PCED1B: variants seen among roughly 807,000 people sequenced by gnomAD.
The protein encoded by PCED1B is PC-esterase domain containing 1B.
For synonymous variants in PCED1B, 251 were observed against 246.1 expected (o/e 1.02, Z -0.19); for missense variants, 573 against 573.9 (o/e 1.00, Z 0.02).
At chr12:47,116,976 A>T (rs60719094) in intron 2 of PCED1B, among the ~76,000 whole-genome samples, 4,511 of 152,238 alleles carry the variant, frequency 0.03, 181 homozygotes, top group African/African-American at 0.087. Context: ...CCTCAGAAAG[A>T]AACATTGATA....
chr12:47,127,134 C>A (rs1184303597), intron 2 of PCED1B, among the ~76,000 whole-genome samples: 1 of 152,118 alleles, frequency 6.6e-6, no homozygotes, highest in Admixed American at 6.6e-5. Flanking sequence ...TGAATGTAGT[C>A]ATTTTAGCAC....
At chr12:47,124,803 A>T (rs1939821658) in intron 2 of PCED1B, among the ~76,000 whole-genome samples, 1 of 151,950 alleles carries the variant, frequency 6.6e-6, no homozygotes, top group Admixed American at 6.6e-5. Flanking sequence ...CTTATTTGCC[A>T]TCTGTATTTA....
intron 3 of PCED1B, among the ~76,000 whole-genome samples, chr12:47,222,252 T>G (rs1441457684): frequency 1.3e-5 from 2 of 151,036 alleles, no homozygotes; most frequent in East Asian, 1.9e-4. Flanking sequence ...AATCCCCGTC[T>G]CTACTAAAAA....
chr12:47,146,905 C>T (rs1422821050), intron 2 of PCED1B, among the ~76,000 whole-genome samples: 2 of 152,022 alleles, frequency 1.3e-5, no homozygotes, highest in Non-Finnish European at 2.9e-5. Flanking sequence ...TCATTTCTTT[C>T]CTCTTGCATC....
chr12:47,193,469 A>G (rs1942508915), intron 2 of PCED1B, among the ~76,000 whole-genome samples: 1 of 152,054 alleles, frequency 6.6e-6, no homozygotes, highest in African/African-American at 2.4e-5. Context: ...CCAACCCTCA[A>G]TCACCATGGT....
At chr12:47,231,959 G>A (rs1943821418) in intron 3 of PCED1B, among the ~76,000 whole-genome samples, 1 of 152,142 alleles carries the variant, frequency 6.6e-6, no homozygotes, top group Non-Finnish European at 1.5e-5. Context: ...TATTCCCAAA[G>A]ACCCCTAGAC....
chr12:47,133,227 A>G (rs185406989), intron 2 of PCED1B, among the ~76,000 whole-genome samples: 1 of 152,204 alleles, frequency 6.6e-6, no homozygotes, highest in Non-Finnish European at 1.5e-5. Flanking sequence ...AAGAGACAAC[A>G]TGATGTCTGC....
At chr12:47,097,876 T>C (rs1938543910) in intron 1 of PCED1B, among the ~76,000 whole-genome samples, 1 of 152,226 alleles carries the variant, frequency 6.6e-6, no homozygotes, top group East Asian at 1.9e-4. Flanking sequence ...CAGCAGTTTA[T>C]TTTCTGTGCA....
chr12:47,142,643 T>C (rs1940637079), intron 2 of PCED1B, among the ~76,000 whole-genome samples: 1 of 150,652 alleles, frequency 6.6e-6, no homozygotes, highest in South Asian at 2.1e-4. Context: ...CCAAACAAAA[T>C]CTTAGAGCTG....
At chr12:47,133,478 A>G (rs765122041) in intron 2 of PCED1B, among the ~76,000 whole-genome samples, 1 of 152,166 alleles carries the variant, frequency 6.6e-6, no homozygotes, top group South Asian at 2.1e-4. Flanking sequence ...GAGTGGAGCA[A>G]GGTAGGGATG....
chr12:47,194,394 C>T (rs543110502), intron 2 of PCED1B, among the ~76,000 whole-genome samples: 63 of 152,068 alleles, frequency 4.1e-4, no homozygotes, highest in African/African-American at 1.4e-3. Context: ...AGGCTGGTCT[C>T]GAACTCCTGA....
chr12:47,123,774 C>T (rs1046512986), intron 2 of PCED1B, among the ~76,000 whole-genome samples: 1 of 151,994 alleles, frequency 6.6e-6, no homozygotes, highest in Admixed American at 6.6e-5. Flanking sequence ...TTTCATTTTA[C>T]AAAATCAGTA....
At chr12:47,229,275 G>A (rs1051385748) in intron 3 of PCED1B, among the ~76,000 whole-genome samples, 2 of 151,930 alleles carry the variant, frequency 1.3e-5, no homozygotes, top group African/African-American at 2.4e-5. Context: ...TTAGCTGGGC[G>A]TGGTGGTGCA....
chr12:47,177,679 T>C (rs61927717), intron 2 of PCED1B, among the ~76,000 whole-genome samples: 3 of 152,210 alleles, frequency 2.0e-5, no homozygotes, highest in East Asian at 3.9e-4. Flanking sequence ...CTGGGCCAGG[T>C]GCAGTAGCTC....
chr12:47,134,572 A>G (rs1266125830), intron 2 of PCED1B, among the ~76,000 whole-genome samples: 2 of 152,170 alleles, frequency 1.3e-5, no homozygotes, highest in Non-Finnish European at 2.9e-5. Flanking sequence ...GAAAATTGCT[A>G]TTTAACAAAG....
intron 2 of PCED1B, among the ~76,000 whole-genome samples, chr12:47,183,165 A>G (rs1942149987): frequency 6.6e-6 from 1 of 152,218 alleles, no homozygotes; most frequent in Non-Finnish European, 1.5e-5. Flanking sequence ...AACTTTTGCC[A>G]ATTAGGGAAA....
At chr12:47,087,556 G>T (rs1333185000) in intron 1 of PCED1B, among the ~76,000 whole-genome samples, 1 of 152,112 alleles carries the variant, frequency 6.6e-6, no homozygotes, top group Non-Finnish European at 1.5e-5. Context: ...GGAATTTGTA[G>T]TATTATTAGA....
chr12:47,192,452 G>T (rs181245649), intron 2 of PCED1B, among the ~76,000 whole-genome samples: 321 of 152,292 alleles, frequency 2.1e-3, no homozygotes, highest in Non-Finnish European at 3.6e-3. Context: ...TTTTGGATAT[G>T]AGCTCATTCA....
intron 2 of PCED1B, among the ~76,000 whole-genome samples, chr12:47,116,282 T>C (rs1180427887): frequency 6.6e-6 from 1 of 152,210 alleles, no homozygotes; most frequent in Non-Finnish European, 1.5e-5. Flanking sequence ...TCACCAATAA[T>C]TATTTGTTCC....
Sources: gnomAD v4.1 joint callset for allele counts (sites outside exome capture counted in the v4.1 genomes callset) on GRCh38, gnomAD v4.1.1 for gene constraint, MANE v1.5 for transcripts, NCBI Gene and HGNC (gene_info 2026-07-23, HGNC 2026-07-21) for gene names.